Variants in FAM187B observed in about 807,000 individuals in gnomAD.
FAM187B encodes family with sequence similarity 187 member B, also known as protein FAM187B.
In FAM187B, 22 loss-of-function variants were observed where a neutral mutation model predicts 22.6. The ratio of observed to expected loss-of-function variants is 0.97; its 90% confidence interval spans 0.70 to 1.39. The LOEUF is 1.39. FAM187B is among the 40% of genes most tolerant of loss of function. The probability of loss-of-function intolerance (pLI) is 0.00; values close to 1 mark genes in which losing one functional copy is unlikely to be tolerated. For synonymous variants in FAM187B, 192 were observed against 201.8 expected (o/e 0.95, Z 0.41); for missense variants, 433 against 462.1 (o/e 0.94, Z 0.58).
rs778178931 is a variant in FAM187B at position 35,228,639 on chromosome 19, C to T, written c.42G>A (p.Pro14=). ...MLWLLLHFAA[P]ALGFYFSISC... The stretch of plus-strand genomic sequence containing the variant: ...TGATGGAAAAGTAGAACCCCAGTGC[C>T]GGGGCAGCAAAGTGGAGCAGCAGCC... Residue 14 remains proline (P), a synonymous_variant, in exon 1 of 2, where the codon CCG becomes CCA. Transcript: ENST00000324675. 61 of 1,612,690 alleles carry T rather than the reference C, an allele frequency of 3.8e-5. No homozygotes were observed. Among genetic ancestry groups the T allele is most frequent in the South Asian group, 3.4e-4 (31 of 91,014 alleles).
In FAM187B at chr19:35,224,964, C is replaced by T. The variant is rs527754765; in HGVS notation, c.971G>A (p.Arg324Gln). The part of the protein sequence containing the change: ...AQWREARKAL[R>Q]GRADSVLKGL... ...CTTGAGCACGGAGTCCGCCCTGCCC[C>T]GCAGGGCCTTCCTTGCCTCCCGCCA... The change falls in exon 2 of 2, where the codon CGG (arginine) becomes CAG (glutamine). Residue 324 changes from arginine to glutamine, a missense_variant. By Grantham distance (43) the Arg-to-Gln change is conservative. Coordinates refer to ENST00000324675, the MANE Select transcript of FAM187B (RefSeq NM_152481.2). The T allele has an allele frequency of 1.5e-5, 25 of 1,613,800 alleles. No homozygotes were observed. Among genetic ancestry groups the T allele is most frequent in the East Asian group, 8.9e-5 (4 of 44,888 alleles).
rs1015454684 is a variant in FAM187B at position 35,227,863 on chromosome 19, G to A, written c.722+96C>T. ...CTGATGACCACTACGTGGCTGAACT[G>A]CAAAGAACGCCCACTCATCCCTCTG... On this transcript the variant is annotated intron_variant, in intron 1 of 1. Coordinates refer to ENST00000324675, the MANE Select transcript of FAM187B (RefSeq NM_152481.2). 4 of 1,512,028 alleles carry A rather than the reference G, an allele frequency of 2.6e-6. No homozygotes were observed. In the African/African-American group the frequency reaches 5.6e-5, roughly 21 times the overall value. 93.7% of individuals were successfully genotyped at this position (1,512,028 alleles called of 1,614,324 possible).
Position 35,225,210 on chromosome 19 carries a change from G to C in FAM187B, c.725C>G (p.Pro242Arg). The stretch of plus-strand genomic sequence containing the variant: ...GGTGTCGTTGGCACGCCAGTTGACG[G>C]GCCTGCGAGGAGGACAAGGTCAGGT... ...LDCPLGSMYR[P>R]VNWRANDTPL... The change falls in exon 2 of 2, where the codon CCC (proline) becomes CGC (arginine). Residue 242 changes from proline (P) to arginine (R), a missense_variant and splice_region_variant. Transcript: ENST00000324675. 6.7e-7 allele frequency: 1 copy of C among 1,488,892 alleles called. No individual in the cohort carries two copies. The highest frequency in any genetic ancestry group is 2.5e-5 in the Admixed American group (1 of 40,338). 92.2% of individuals were successfully genotyped at this position (1,488,892 alleles called of 1,614,324 possible). A position where few individuals can be genotyped will look rare whatever the true frequency, so the allele number is the denominator to read the frequency against.
chr19:35,227,840 G>T, intron 1 of FAM187B, 119 bp downstream of exon 1: 1 of 1,440,362 alleles, frequency 6.9e-7, no homozygotes. Flanking sequence ...GCACTGTCCT[G>T]ATGACCACTA....
At position 35,224,864 on chromosome 19, in the gene FAM187B, G is replaced by A; in HGVS notation, c.1071C>T (p.Ser357=). Residue 357 remains serine, a synonymous_variant, in exon 2 of 2, where the codon TCC becomes TCT. Transcript: ENST00000324675. ...LGALLKCIHP[S]PGRRSTQVLV... Reference sequence around the variant, plus strand: ...GCACCTGTGTGCTTCTCCTGCCCGGGGAAGGGTGGATGCACTTGAGCAGCG... The same window carrying A: ...GCACCTGTGTGCTTCTCCTGCCCGGAGAAGGGTGGATGCACTTGAGCAGCG... The A allele has an allele frequency of 6.2e-7, 1 of 1,613,452 alleles. No homozygotes were observed. The highest frequency in any genetic ancestry group is 1.3e-5 in the African/African-American group (1 of 75,036).
chr19:35,226,454 C>A (rs551550347), intron 1 of FAM187B, among the ~76,000 whole-genome samples: 1 of 152,226 alleles, frequency 6.6e-6, no homozygotes, highest in Admixed American at 6.5e-5. Context: ...AAGAGCAAGA[C>A]CCTGTCTCTA....
In FAM187B at chr19:35,225,088, C is replaced by T; in HGVS notation, c.847G>A (p.Val283Ile). Residue 283 changes from valine (V) to isoleucine (I), a missense_variant, in exon 2 of 2, where the codon GTC (valine) becomes ATC (isoleucine). Coordinates refer to ENST00000324675, the MANE Select transcript of FAM187B (RefSeq NM_152481.2). ...TCCTGCTGCACGAAGCACTTGTAGA[C>T]GGCCGGCTGGAAAACCTGCAGCTGC... ...GRQLQVFQPA[V>I]YKCFVQQELV... 6.2e-7 allele frequency: 1 copy of T among 1,610,880 alleles called. No individual in the cohort carries two copies. Among genetic ancestry groups the T allele is most frequent in the Non-Finnish European group, 8.5e-7 (1 of 1,178,248 alleles).
rs1373090069 is a variant in FAM187B, at chr19:35,224,985, C to T, written c.950G>A (p.Arg317Gln). The T allele has an allele frequency of 6.2e-6, 10 of 1,613,756 alleles. No individual in the cohort carries two copies. The highest frequency in any genetic ancestry group is 1.7e-5 in the Admixed American group (1 of 59,998). Residue 317 changes from arginine (R) to glutamine (Q), a missense_variant, in exon 2 of 2, where the codon CGG becomes CAG. Physicochemically the swap from Arg to Gln is conservative, Grantham distance 43. Transcript: ENST00000324675. The part of the protein sequence containing the change: ...AQWRENDAQW[R>Q]EARKALRGRA... Reference sequence around the variant, plus strand: ...GCCCCGCAGGGCCTTCCTTGCCTCCCGCCACTGGGCATCGTTCTCTCTCCA... The same window carrying T: ...GCCCCGCAGGGCCTTCCTTGCCTCCTGCCACTGGGCATCGTTCTCTCTCCA...
intron 1 of FAM187B, among the ~76,000 whole-genome samples, chr19:35,226,377 C>T (rs2065661586): frequency 1.3e-5 from 2 of 152,068 alleles, no homozygotes; most frequent in African/African-American, 2.4e-5. Flanking sequence ...ATGGGAGAAT[C>T]ACCTGAGCCC....
At chr19:35,227,106 G>A (rs2065663817) in intron 1 of FAM187B, among the ~76,000 whole-genome samples, 1 of 152,144 alleles carries the variant, frequency 6.6e-6, no homozygotes, top group Non-Finnish European at 1.5e-5. Context: ...GAAAAAAGGA[G>A]GATTCTGCCC....
In FAM187B at chr19:35,224,861, C is replaced by T. The variant is rs752627613; in HGVS notation, c.1074G>A (p.Pro358=). ...CCAGCACCTGTGTGCTTCTCCTGCCCGGGGAAGGGTGGATGCACTTGAGCA... is the reference window on the plus strand; with the variant it reads ...CCAGCACCTGTGTGCTTCTCCTGCCTGGGGAAGGGTGGATGCACTTGAGCA... ...GALLKCIHPS[P]GRRSTQVLVV... is the part of the protein sequence containing the mutation. The change falls in exon 2 of 2, where the codon CCG becomes CCA. Residue 358 remains proline, a synonymous_variant. Transcript: ENST00000324675. The T allele has an allele frequency of 7.4e-6, 12 of 1,612,804 alleles. No homozygotes were observed. The highest frequency in any genetic ancestry group is 2.7e-5 in the African/African-American group (2 of 74,872).
intron 1 of FAM187B, 118 bp from the exon 2 acceptor site, chr19:35,225,330 C>G: frequency 7.7e-7 from 1 of 1,293,562 alleles, no homozygotes; most frequent in South Asian, 1.6e-5. Flanking sequence ...CCACGGAGCA[C>G]TGTGCAGCCG....
At position 35,228,221 on chromosome 19, in the gene FAM187B, A is replaced by T. The variant is rs1312225286; in HGVS notation, c.460T>A (p.Cys154Ser). The T allele has an allele frequency of 6.2e-7, 1 of 1,614,070 alleles. No individual in the cohort carries two copies. The highest frequency in any genetic ancestry group is 1.3e-5 in the African/African-American group (1 of 74,936). Residue 154 changes from cysteine (C) to serine (S), a missense_variant, in exon 1 of 2, where the codon TGT becomes AGT. Transcript: ENST00000324675. The stretch of plus-strand genomic sequence containing the variant: ...CGTTTACACTCGCCCGGCTCCTCAC[A>T]GCGGTTGCAGTCCTGCCAGGGCTCC... ...WWEPWQDCNR[C>S]EEPGECKRLG...
At position 35,224,908 on chromosome 19, in the gene FAM187B, C is replaced by T; in HGVS notation, c.1027G>A (p.Val343Ile). The change falls in exon 2 of 2, where the codon GTC becomes ATC. Residue 343 changes from valine to isoleucine, a missense_variant. Transcript: ENST00000324675. ...AGCAGCGCCCCCAGCAGGGCCAGGACGGTGACCACGAGCAGCACCAGCTTC... is the reference window on the plus strand; with the variant it reads ...AGCAGCGCCCCCAGCAGGGCCAGGATGGTGACCACGAGCAGCACCAGCTTC... Reference protein sequence around the residue: ...GLKLVLLVVTVLALLGALLKC... With the variant: ...GLKLVLLVVTILALLGALLKC... 6.2e-7 allele frequency: 1 copy of T among 1,613,868 alleles called. No homozygotes were observed. The highest frequency in any genetic ancestry group is 8.5e-7 in the Non-Finnish European group (1 of 1,179,974).
At position 35,228,374 on chromosome 19, in the gene FAM187B, C is replaced by T; in HGVS notation, c.307G>A (p.Val103Met). The change falls in exon 1 of 2, where the codon GTG (valine) becomes ATG (methionine). Residue 103 changes from valine to methionine, a missense_variant. Transcript: ENST00000324675. ...TGAAAGTCAATTTCATACTGCACCA[C>T]TTGGCGGCCATTCTTGTTCCAGCAG... is the stretch of plus-strand genomic sequence containing the variant. ...YHCWNKNGRQ[V>M]VQYEIDFQDV... is the part of the protein sequence containing the mutation. 1.2e-6 allele frequency: 2 copies of T among 1,614,212 alleles called. No homozygotes were observed. The highest frequency in any genetic ancestry group is 1.7e-6 in the Non-Finnish European group (2 of 1,180,040).
At position 35,228,731 on chromosome 19, in the gene FAM187B, G is replaced by T; in HGVS notation, c.-51C>A. On this transcript the variant is annotated 5_prime_UTR_variant, in exon 1 of 2. Transcript: ENST00000324675. ...CTGGTGCCACCCCGAACATTGTGAG[G>T]TCACCCATGAACTCTGGCCTCAGCC... 1 of 1,552,616 alleles carries T rather than the reference G, an allele frequency of 6.4e-7. No homozygotes were observed. The highest frequency in any genetic ancestry group is 8.7e-7 in the Non-Finnish European group (1 of 1,154,882).
intron 1 of FAM187B, 30 bp downstream of exon 1, chr19:35,227,929 G>A: frequency 6.3e-7 from 1 of 1,576,084 alleles, no homozygotes; most frequent in Non-Finnish European, 8.6e-7. Flanking sequence ...GAAGAATCTG[G>A]GTAGGGGCCA....
chr19:35,227,780 C>T (rs1392117518), intron 1 of FAM187B, among the ~76,000 whole-genome samples, 179 bp downstream of exon 1: 4 of 152,200 alleles, frequency 2.6e-5, no homozygotes, highest in East Asian at 1.9e-4. Flanking sequence ...CATCCCGGCT[C>T]GCACCACCCT....
rs377313635 is a variant in FAM187B at position 35,228,388 on chromosome 19, T to C, written c.293A>G (p.Lys98Arg). ...SQTGLYHCWN[K>R]NGRQVVQYEI... ...ATACTGCACCACTTGGCGGCCATTC[T>C]TGTTCCAGCAGTGGTAGAGGCCCGT... The change falls in exon 1 of 2, where the codon AAG becomes AGG. Residue 98 changes from lysine to arginine, a missense_variant. Coordinates refer to ENST00000324675, the MANE Select transcript of FAM187B (RefSeq NM_152481.2). 17 of 1,614,116 alleles carry C rather than the reference T, an allele frequency of 1.1e-5. No homozygotes were observed. Among genetic ancestry groups the C allele is most frequent in the Non-Finnish European group, 1.4e-5 (16 of 1,180,048 alleles).
Sources: allele counts gnomAD v4.1 joint callset (sites outside exome capture counted in the v4.1 genomes callset), GRCh38; gene constraint gnomAD v4.1.1; transcripts MANE v1.5; gene names NCBI Gene and HGNC (gene_info 2026-07-23, HGNC 2026-07-21).